Variants in RALGPS1 observed in about 807,000 individuals in gnomAD.
RALGPS1 encodes the protein Ral GEF with PH domain and SH3 binding motif 1.
Under a neutral mutation model 78.8 loss-of-function variants are expected in RALGPS1, and 19 were observed. The observed-to-expected ratio is 0.24, with a 90% CI of 0.17 to 0.35. RALGPS1 has a LOEUF of 0.35. Among genes scored for constraint, RALGPS1 ranks in the 10% least tolerant of loss-of-function variants. RALGPS1 has a pLI of 1.00. For synonymous variants in RALGPS1, 228 were observed against 256.3 expected, an observed-to-expected ratio of 0.89 and a Z score of 1.06; for missense variants, 454 against 688.3, an observed-to-expected ratio of 0.66 and a Z score of 3.81.
intron 6 of RALGPS1, among the ~76,000 whole-genome samples, chr9:127,051,334 C>G (rs1340710838): frequency 6.6e-6 from 1 of 152,192 alleles, no homozygotes; most frequent in Admixed American, 6.5e-5. Context: ...TTAATCTCTG[C>G]CATTTTCTGT....
intron 4 of RALGPS1, among the ~76,000 whole-genome samples, chr9:127,002,430 ATTCT>A (rs1294339386): frequency 5.9e-5 from 6 of 102,412 alleles, no homozygotes; most frequent in African/African-American, 2.7e-4. Flanking sequence ...TACCACAAAC[ATTCT>A]TTTTTTTTTT....
intron 8 of RALGPS1, among the ~76,000 whole-genome samples, chr9:127,156,635 G>A (rs2058721042): frequency 6.6e-6 from 1 of 152,000 alleles, no homozygotes; most frequent in South Asian, 2.1e-4. Flanking sequence ...TATTAGGACT[G>A]TTGACTGTCT....
chr9:127,209,958 G>A (rs2062149951), intron 14 of RALGPS1, among the ~76,000 whole-genome samples: 1 of 152,224 alleles, frequency 6.6e-6, no homozygotes, highest in Admixed American at 6.5e-5. Flanking sequence ...CATGCCTCAA[G>A]GGTGGGGAGA....
chr9:127,202,501 T>C (rs1219923737), intron 14 of RALGPS1, among the ~76,000 whole-genome samples: 1 of 152,126 alleles, frequency 6.6e-6, no homozygotes, highest in African/African-American at 2.4e-5. Context: ...CTGTTCCTAC[T>C]GGACTGTGGA....
intron 14 of RALGPS1, among the ~76,000 whole-genome samples, chr9:127,202,569 A>T (rs963162011): frequency 6.6e-6 from 1 of 152,002 alleles, no homozygotes; most frequent in Non-Finnish European, 1.5e-5. Flanking sequence ...CTGTCTCCTC[A>T]CCCATGTCAG....
In RALGPS1 at chr9:127,008,594, C is replaced by G. The variant is rs1000938541; in HGVS notation, c.217-25837C>G. 3.3e-5 allele frequency among the ~76,000 whole-genome samples: 5 copies of G among 152,122 alleles called. 1 individual carries two copies. Among genetic ancestry groups the G allele is most frequent in the African/African-American group, 1.2e-4 (5 of 41,428 alleles). On this transcript the variant is annotated intron_variant, in intron 4 of 18. Coordinates refer to ENST00000259351, the MANE Select transcript of RALGPS1 (RefSeq NM_014636.3). The stretch of plus-strand genomic sequence containing the variant: ...ATCCTCCAGAAAGGAAGGGAGGAGT[C>G]AGAAAGGAAGCTCAAGCACCTTGTC...
chr9:127,097,491 TCTC>T (rs1466038579), intron 8 of RALGPS1, among the ~76,000 whole-genome samples: 2 of 152,172 alleles, frequency 1.3e-5, no homozygotes, highest in Admixed American at 6.5e-5. Flanking sequence ...CTCTGTGAAA[TCTC>T]CTGCATTCAA....
In RALGPS1 at chr9:127,145,062, C is replaced by CA. The variant is rs577260878; in HGVS notation, c.611-21002dup. 5.3e-5 allele frequency among the ~76,000 whole-genome samples: 8 copies of CA among 152,166 alleles called. No homozygotes were observed. The East Asian group carries it at 1.5e-3, about 29-fold the overall frequency. ...TCATGAAGGTGATATGTGAGTAAGGCAAAAATAGCCTTACAGTATATAAAG... is the reference window on the plus strand; with the variant it reads ...TCATGAAGGTGATATGTGAGTAAGGCAAAAAATAGCCTTACAGTATATAAAG... On this transcript the variant is annotated intron_variant, in intron 8 of 18. Transcript: ENST00000259351.
At chr9:126,923,241 T>C (rs2034942218) in intron 1 of RALGPS1, among the ~76,000 whole-genome samples, 1 of 152,222 alleles carries the variant, frequency 6.6e-6, no homozygotes, top group South Asian at 2.1e-4. Context: ...CTTATGTTGA[T>C]TCTGCAGGTA....
At chr9:127,020,583 A>G (rs766025163) in intron 4 of RALGPS1, among the ~76,000 whole-genome samples, 1 of 152,268 alleles carries the variant, frequency 6.6e-6, no homozygotes, top group African/African-American at 2.4e-5. Context: ...TCATGTGTGT[A>G]TATCACAGGA....
At chr9:126,930,917 T>C (rs1195809066) in intron 1 of RALGPS1, among the ~76,000 whole-genome samples, 1 of 152,250 alleles carries the variant, frequency 6.6e-6, no homozygotes, top group Non-Finnish European at 1.5e-5. Context: ...ATTTAACTCT[T>C]ATCACTCTCC....
rs1419971666 is a variant in RALGPS1, at chr9:126,940,582, A to G, written c.-65-21643A>G. ...AGCCTCCTGAGTAGCCGGGACTACAAGCCGCCCGCCACCATGCCCAGCTAA... is the reference window on the plus strand; with the variant it reads ...AGCCTCCTGAGTAGCCGGGACTACAGGCCGCCCGCCACCATGCCCAGCTAA... On this transcript the variant is annotated intron_variant, in intron 1 of 18. Transcript: ENST00000259351. Among the ~76,000 whole-genome samples the G allele has an allele frequency of 5.3e-5, 8 of 152,000 alleles. No homozygotes were observed. The South Asian group carries it at 1.7e-3, about 32-fold the overall frequency.
rs140066485 is a variant in RALGPS1 at position 127,108,656 on chromosome 9, C to T, written c.610+39300C>T. ...GAGCCCTCCTCAGTGCCCTCAAAACCGTCCTCCTGGCCTGCAACAGCTCCC... is the reference window on the plus strand; with the variant it reads ...GAGCCCTCCTCAGTGCCCTCAAAACTGTCCTCCTGGCCTGCAACAGCTCCC... On this transcript the variant is annotated intron_variant, in intron 8 of 18. Transcript: ENST00000259351. The T allele has an allele frequency of 2.9e-5, 46 of 1,613,756 alleles. No individual in the cohort carries two copies. The African/African-American group carries it at 4.5e-4, about 16-fold the overall frequency.
chr9:127,161,287 G>A (rs547824190), intron 8 of RALGPS1, among the ~76,000 whole-genome samples: 15 of 152,220 alleles, frequency 9.9e-5, no homozygotes, highest in Non-Finnish European at 2.1e-4. Flanking sequence ...AGGGCCAGCC[G>A]TAAGGTCAGC....
intron 18 of RALGPS1, among the ~76,000 whole-genome samples, chr9:127,215,074 A>G (rs2062498129): frequency 6.6e-6 from 1 of 152,172 alleles, no homozygotes; most frequent in East Asian, 1.9e-4. Context: ...CTTTCCCACA[A>G]TAGGAAATGC....
At chr9:126,992,543 T>C (rs2042374187) in intron 4 of RALGPS1, among the ~76,000 whole-genome samples, 1 of 152,216 alleles carries the variant, frequency 6.6e-6, no homozygotes, top group African/African-American at 2.4e-5. Flanking sequence ...TTGTTAAGTT[T>C]TACCAAAGAA....
intron 2 of RALGPS1, among the ~76,000 whole-genome samples, chr9:126,964,218 C>T (rs1224011554): frequency 6.6e-6 from 1 of 151,882 alleles, no homozygotes; most frequent in Non-Finnish European, 1.5e-5. Flanking sequence ...ATTAGCCAGG[C>T]ATGGTGGCGG....
intron 8 of RALGPS1, among the ~76,000 whole-genome samples, chr9:127,079,364 T>C (rs1306582358): frequency 6.6e-6 from 1 of 152,194 alleles, no homozygotes; most frequent in Non-Finnish European, 1.5e-5. Context: ...CCTGGAGCCA[T>C]TGGGATGTTT....
At chr9:127,191,797 A>C (rs1437544881) in intron 11 of RALGPS1, among the ~76,000 whole-genome samples, 3 of 145,984 alleles carry the variant, frequency 2.1e-5, no homozygotes, top group Non-Finnish European at 4.5e-5. Context: ...TCCCAGGTTC[A>C]CGCCATTCTC....
Sources: allele counts gnomAD v4.1 joint callset (sites outside exome capture counted in the v4.1 genomes callset), GRCh38; gene constraint gnomAD v4.1.1; transcripts MANE v1.5; gene names NCBI Gene and HGNC (gene_info 2026-07-23, HGNC 2026-07-21).